The following NOTCH2 variants were observed in gnomAD, a reference collection of about 807,000 sequenced individuals.
NOTCH2 encodes neurogenic locus notch homolog protein 2.
Under a neutral mutation model 235.8 loss-of-function variants are expected in NOTCH2, and 29 were observed. The ratio of observed to expected loss-of-function variants is 0.12; its 90% CI spans 0.09 to 0.17. The LOEUF (loss-of-function observed/expected upper bound fraction) is 0.17, where lower values mean the gene tolerates loss of function less well. Among genes scored for constraint, NOTCH2 ranks in the 10% least tolerant of loss-of-function variants. The probability of loss-of-function intolerance (pLI) is 1.00; values close to 1 mark genes in which losing one functional copy is unlikely to be tolerated. For synonymous variants in NOTCH2, 1,086 were observed against 1,141.5 expected (o/e 0.95, Z 0.98); for missense variants, 2,285 against 3,150.2 (o/e 0.73, Z 6.57).
Position 119,966,404 on chromosome 1 carries a change from G to T in NOTCH2, c.1539C>A (p.Val513=), listed in dbSNP as rs781817441. Reference sequence around the variant, plus strand: ...GAGGACACAGGCACTGGAAACGATTGACTTTATCCACACACTGCCCATTGT... The same window carrying T: ...GAGGACACAGGCACTGGAAACGATTTACTTTATCCACACACTGCCCATTGT... ...CVNNGQCVDK[V]NRFQCLCPPG... The change falls in exon 9 of 34, where the codon GTC becomes GTA. Residue 513 remains valine, a synonymous_variant. Transcript: ENST00000256646. 84 of 1,613,698 alleles carry T rather than the reference G, an allele frequency of 5.2e-5. No homozygotes were observed. Among genetic ancestry groups the T allele is most frequent in the Non-Finnish European group, 2.5e-5 (29 of 1,179,780 alleles).
rs77938086 is a variant in NOTCH2, at chr1:119,940,874, T to C, written c.2982-118A>G. 6,943 of 870,786 alleles carry C rather than the reference T, an allele frequency of 8.0e-3. 244 individuals are homozygous for C. The African/African-American group carries it at 0.087, about 11-fold the overall frequency. 53.9% of individuals were successfully genotyped at this position (870,786 alleles called of 1,614,324 possible). The stretch of plus-strand genomic sequence containing the variant: ...GGCAAATACCTCTGAGCAACCCATA[T>C]CCCTTAAACTTTCTTACAAGCTAGA... On this transcript the variant is annotated intron_variant, in intron 18 of 33. Coordinates refer to ENST00000256646, the MANE Select transcript of NOTCH2 (RefSeq NM_024408.4).
chr1:119,987,216 A>C, intron 4 of NOTCH2, 134 bp from the exon 5 acceptor site: 1 of 1,018,534 alleles, frequency 9.8e-7, no homozygotes. Context: ...CCCAGGACTC[A>C]CCATATGAAA....
intron 16 of NOTCH2, 73 bp downstream of exon 16, chr1:119,948,934 T>C (rs1650359229): frequency 1.6e-5 from 25 of 1,594,086 alleles, no homozygotes; most frequent in Non-Finnish European, 2.2e-5. Context: ...GCCTTCCATA[T>C]GATCTGATAA....
chr1:119,978,905 T>C (rs587764713), intron 5 of NOTCH2, among the ~76,000 whole-genome samples: 1 of 152,316 alleles, frequency 6.6e-6, no homozygotes, highest in South Asian at 2.1e-4. Flanking sequence ...AAAAACAACA[T>C]GGCACCTATT....
intron 13 of NOTCH2, 99 bp from the exon 14 acceptor site, chr1:119,953,787 C>CAG: frequency 2.0e-6 from 2 of 1,017,316 alleles, no homozygotes; most frequent in Non-Finnish European, 3.1e-6. Flanking sequence ...GTAAACTGAT[C>CAG]TCATTTCTAC....
chr1:119,982,983 A>T (rs1200738440), intron 5 of NOTCH2, among the ~76,000 whole-genome samples: 1 of 152,234 alleles, frequency 6.6e-6, no homozygotes, highest in Non-Finnish European at 1.5e-5. Context: ...CCATCTTTGC[A>T]TCTGAAGTAA....
intron 32 of NOTCH2, among the ~76,000 whole-genome samples, 191 bp from the exon 33 acceptor site, chr1:119,917,953 G>A (rs1649146511): frequency 1.3e-5 from 2 of 152,090 alleles, no homozygotes; most frequent in African/African-American, 2.4e-5. Flanking sequence ...AGGCTGCCTA[G>A]CCTGCAGAAG....
rs1368857082 is a variant in NOTCH2 at position 120,064,407 on chromosome 1, G to A, written c.73+4927C>T. ...AAGAGATAGCAAAAAAAGTCTGTGG[G>A]TGGGGTCAGCTTTCAACTGATCCTA... On this transcript the variant is annotated intron_variant, in intron 1 of 33. Coordinates refer to ENST00000256646, the MANE Select transcript of NOTCH2 (RefSeq NM_024408.4). 4.0e-5 allele frequency among the ~76,000 whole-genome samples: 6 copies of A among 151,296 alleles called. No individual in the cohort carries two copies. The East Asian group carries it at 7.7e-4, about 19-fold the overall frequency.
In NOTCH2 at chr1:119,912,848, C is replaced by G. The variant is rs905610806; in HGVS notation, c.*2458G>C. 3 of 233,506 alleles carry G rather than the reference C, an allele frequency of 1.3e-5. No individual in the cohort carries two copies. In the East Asian group the frequency reaches 1.8e-4, roughly 14 times the overall value. 14.5% of individuals were successfully genotyped at this position (233,506 alleles called of 1,614,324 possible). A position where few individuals can be genotyped will look rare whatever the true frequency, so the allele number is the denominator to read the frequency against. On this transcript the variant is annotated 3_prime_UTR_variant, in exon 34 of 34. Coordinates refer to ENST00000256646, the MANE Select transcript of NOTCH2 (RefSeq NM_024408.4). ...AAAGTTTGAAAGGCAGTGTTGTCCT[C>G]CTCATCACTGAAACCTGTTGTCTGT...
At chr1:120,065,305 C>T (rs1409732176) in intron 1 of NOTCH2, among the ~76,000 whole-genome samples, 1 of 152,136 alleles carries the variant, frequency 6.6e-6, no homozygotes, top group Non-Finnish European at 1.5e-5. Flanking sequence ...TTCGACTGAA[C>T]AAGTATTTAT....
At chr1:120,039,494 C>T (rs1206902331) in intron 1 of NOTCH2, among the ~76,000 whole-genome samples, 1 of 150,920 alleles carries the variant, frequency 6.6e-6, no homozygotes, top group Non-Finnish European at 1.5e-5. Context: ...CTGCAAGCTC[C>T]TCCTCCTGGG....
At chr1:120,011,518 C>T (rs2604039) in intron 2 of NOTCH2, among the ~76,000 whole-genome samples, 2 of 152,184 alleles carry the variant, frequency 1.3e-5, no homozygotes, top group Non-Finnish European at 1.5e-5. Flanking sequence ...TAATAGTAGT[C>T]ATAATAATCA....
At chr1:119,956,195 T>C (rs587732286) in intron 12 of NOTCH2, among the ~76,000 whole-genome samples, 1 of 152,332 alleles carries the variant, frequency 6.6e-6, no homozygotes, top group Non-Finnish European at 1.5e-5. Context: ...GGGTCAGTTA[T>C]ACAAGTGTTT....
intron 3 of NOTCH2, among the ~76,000 whole-genome samples, chr1:119,997,741 C>T (rs1397688110): frequency 3.3e-5 from 5 of 150,958 alleles, no homozygotes; most frequent in African/African-American, 9.8e-5. Flanking sequence ...TTTGGGAGGC[C>T]GAGGCAGGCA....
At chr1:119,929,310 G>C in intron 22 of NOTCH2, 98 bp from the exon 23 acceptor site, 1 of 964,498 alleles carries the variant, frequency 1.0e-6, no homozygotes, top group African/African-American at 1.6e-5. Flanking sequence ...CAATGAATCA[G>C]AGTATACTCC....
intron 29 of NOTCH2, 76 bp downstream of exon 29, chr1:119,921,637 C>G (rs1249230311): frequency 1.7e-6 from 2 of 1,211,510 alleles, no homozygotes; most frequent in Admixed American, 3.4e-5. Flanking sequence ...TCAGGACACT[C>G]TGGAGCTAAA....
At chr1:119,945,135 C>T (rs1384895684) in intron 17 of NOTCH2, among the ~76,000 whole-genome samples, 2 of 151,794 alleles carry the variant, frequency 1.3e-5, no homozygotes, top group Non-Finnish European at 2.9e-5. Context: ...TGAAGTGGTA[C>T]GATTGAAGGT....
chr1:119,963,646 G>C lies in NOTCH2; in HGVS notation c.1843C>G (p.Pro615Ala), dbSNP rs782261541. 5.6e-6 allele frequency: 9 copies of C among 1,614,138 alleles called. No homozygotes were observed. The highest frequency in any genetic ancestry group is 6.8e-6 in the Non-Finnish European group (8 of 1,180,008). The change falls in exon 11 of 34, where the codon CCT becomes GCT. Residue 615 changes from proline (P) to alanine (A), a missense_variant. Transcript: ENST00000256646. ...SDQIDECYSS[P>A]CLNDGRCIDL... ...ATGCAGCGACCATCGTTCAGGCAAGGGCTGCTGTAACATTCATCAATCTGG... is the reference window on the plus strand; with the variant it reads ...ATGCAGCGACCATCGTTCAGGCAAGCGCTGCTGTAACATTCATCAATCTGG...
intron 30 of NOTCH2, among the ~76,000 whole-genome samples, chr1:119,919,848 G>A (rs1223285839): frequency 2.0e-5 from 3 of 152,048 alleles, no homozygotes; most frequent in Non-Finnish European, 2.9e-5. Context: ...CTCTAAACAC[G>A]TTTTTCTGTT....
Sources: gnomAD v4.1 joint callset for allele counts (sites outside exome capture counted in the v4.1 genomes callset) on GRCh38, gnomAD v4.1.1 for gene constraint, MANE v1.5 for transcripts, NCBI Gene and HGNC (gene_info 2026-07-23, HGNC 2026-07-21) for gene names.